DIPK1A: variants seen among roughly 807,000 people sequenced by gnomAD.
DIPK1A encodes the protein family with sequence similarity 69 member A.
DIPK1A carries 27 observed loss-of-function variants against 40.8 expected under a neutral mutation model. The observed-to-expected ratio is 0.66, with a 90% CI of 0.49 to 0.91. The LOEUF (loss-of-function observed/expected upper bound fraction) is 0.91, where lower values mean the gene tolerates loss of function less well. DIPK1A is among the 40% of genes least tolerant of loss of function. DIPK1A has a pLI of 0.00. For synonymous variants in DIPK1A, 166 were observed against 171.3 expected (o/e 0.97, Z 0.24); for missense variants, 412 against 505.7 (o/e 0.81, Z 1.78).
intron 1 of DIPK1A, among the ~76,000 whole-genome samples, chr1:92,958,468 T>C (rs1651931410): frequency 6.6e-6 from 1 of 152,180 alleles, no homozygotes; most frequent in African/African-American, 2.4e-5. Context: ...CTCTGCAACC[T>C]TTCTCTCCTC....
At chr1:92,861,977 G>A (rs1016624512) in intron 2 of DIPK1A, among the ~76,000 whole-genome samples, 8 of 152,044 alleles carry the variant, frequency 5.3e-5, no homozygotes, top group African/African-American at 1.7e-4. Flanking sequence ...ACGAGGTTTC[G>A]CCATATTGCT....
intron 2 of DIPK1A, among the ~76,000 whole-genome samples, chr1:92,873,984 C>T (rs1330751937): frequency 6.6e-6 from 1 of 152,138 alleles, no homozygotes; most frequent in African/African-American, 2.4e-5. Flanking sequence ...TTTAGTACTA[C>T]TACTTATGAT....
rs1030400782 is a variant in DIPK1A, at chr1:92,843,144, A to T, written c.*239T>A. The T allele has an allele frequency of 1.6e-6, 2 of 1,215,018 alleles. No homozygotes were observed. Among genetic ancestry groups the T allele is most frequent in the African/African-American group, 3.1e-5 (2 of 63,688 alleles). The allele number at this position is 1,215,018 out of a possible 1,614,324, so 75.3% of individuals were successfully genotyped here. A position where few individuals can be genotyped will look rare whatever the true frequency, so the allele number is the denominator to read the frequency against. On this transcript the variant is annotated 3_prime_UTR_variant, in exon 5 of 5. Coordinates refer to ENST00000370310, the MANE Select transcript of DIPK1A (RefSeq NM_001006605.5). ...GTTTTTAAAGTCAGTCAAAATAGTT[A>T]CACAATGAATGTACTTCGGAGATGT...
At chr1:92,921,070 T>C (rs774697798) in intron 1 of DIPK1A, among the ~76,000 whole-genome samples, 3 of 152,006 alleles carry the variant, frequency 2.0e-5, no homozygotes, top group Admixed American at 6.6e-5. Flanking sequence ...CCTGGACTAG[T>C]TGGGGAAGGG....
intron 3 of DIPK1A, among the ~76,000 whole-genome samples, chr1:92,850,157 A>C (rs968773639): frequency 1.5e-4 from 22 of 151,416 alleles, no homozygotes; most frequent in African/African-American, 5.1e-4. Context: ...TTTTGGAGAG[A>C]CAGGGTCTCA....
At chr1:92,905,576 C>T (rs1302775495) in intron 1 of DIPK1A, among the ~76,000 whole-genome samples, 1 of 152,062 alleles carries the variant, frequency 6.6e-6, no homozygotes, top group Non-Finnish European at 1.5e-5. Flanking sequence ...TGTGGGTTGT[C>T]TCTTCACTTG....
At chr1:92,863,550 T>C (rs1202130565) in intron 2 of DIPK1A, among the ~76,000 whole-genome samples, 6 of 61,956 alleles carry the variant, frequency 9.7e-5, no homozygotes, top group African/African-American at 2.6e-4. Context: ...CTGGGCAACA[T>C]AGAAAGACCC....
chr1:92,876,347 C>T lies in DIPK1A; in HGVS notation c.138G>A (p.Gln46=). Reference sequence around the variant, plus strand: ...TGCATAATTCTGTATAGGTAGAATACTGCACATATATAATCCAGCTTCCAA... The same window carrying T: ...TGCATAATTCTGTATAGGTAGAATATTGCACATATATAATCCAGCTTCCAA... The part of the protein sequence containing the change: ...VFVGSWIIYV[Q]YSTYTELCRG... Residue 46 remains glutamine (Q), a synonymous_variant, in exon 2 of 5, where the codon CAG becomes CAA. Transcript: ENST00000370310. The T allele has an allele frequency of 6.2e-7, 1 of 1,602,996 alleles. No individual in the cohort carries two copies. The highest frequency in any genetic ancestry group is 8.5e-7 in the Non-Finnish European group (1 of 1,170,410).
At chr1:92,849,806 C>A (rs1267367550) in intron 3 of DIPK1A, among the ~76,000 whole-genome samples, 1 of 152,058 alleles carries the variant, frequency 6.6e-6, no homozygotes, top group Non-Finnish European at 1.5e-5. Context: ...TGCCACTGTG[C>A]CTGGCCACCC....
chr1:92,926,120 T>C (rs1005576996), intron 1 of DIPK1A, among the ~76,000 whole-genome samples: 11 of 152,222 alleles, frequency 7.2e-5, no homozygotes, highest in Non-Finnish European at 2.9e-5. Flanking sequence ...TTAATTTGCT[T>C]ATTTTTTTCC....
intron 2 of DIPK1A, among the ~76,000 whole-genome samples, chr1:92,859,600 G>A (rs753645926): frequency 2.0e-5 from 3 of 152,314 alleles, no homozygotes; most frequent in Admixed American, 2.0e-4. Flanking sequence ...GCCAATGCTC[G>A]AGGCAGCTAC....
At chr1:92,887,214 T>G (rs1474498654) in intron 1 of DIPK1A, among the ~76,000 whole-genome samples, 1 of 145,946 alleles carries the variant, frequency 6.9e-6, no homozygotes, top group Admixed American at 7.0e-5. Flanking sequence ...CCCAGGAGTT[T>G]GAGACCAACT....
intron 2 of DIPK1A, among the ~76,000 whole-genome samples, chr1:92,867,955 T>C (rs1647638591): frequency 6.6e-6 from 1 of 152,136 alleles, no homozygotes; most frequent in Non-Finnish European, 1.5e-5. Context: ...CAATGACAAG[T>C]AATGGGGTAC....
chr1:92,925,256 TA>T lies in DIPK1A; in HGVS notation c.54+36119del, dbSNP rs1188903793. Among the ~76,000 whole-genome samples the T allele has an allele frequency of 2.6e-5, 4 of 152,360 alleles. No individual in the cohort carries two copies. The East Asian group carries it at 7.7e-4, about 29-fold the overall frequency. ...TTCATAAGAGATTTTTAACTTTTCA[TA>T]ATGTCTTTACTAGATTTTAGTATCT... On this transcript the variant is annotated intron_variant, in intron 1 of 4. Coordinates refer to ENST00000370310, the MANE Select transcript of DIPK1A (RefSeq NM_001006605.5).
chr1:92,949,497 G>A (rs913482776), intron 1 of DIPK1A, among the ~76,000 whole-genome samples: 2 of 151,944 alleles, frequency 1.3e-5, no homozygotes, highest in Non-Finnish European at 2.9e-5. Context: ...GGTTGGTCTC[G>A]AACTTCTGAC....
At chr1:92,885,956 T>A (rs1648579581) in intron 1 of DIPK1A, among the ~76,000 whole-genome samples, 1 of 152,206 alleles carries the variant, frequency 6.6e-6, no homozygotes, top group South Asian at 2.1e-4. Context: ...TGGGGTCATA[T>A]GATACATATT....
intron 1 of DIPK1A, among the ~76,000 whole-genome samples, chr1:92,948,509 C>A (rs904121717): frequency 6.7e-6 from 1 of 150,368 alleles, no homozygotes; most frequent in Non-Finnish European, 1.5e-5. Context: ...GTCTCGAACT[C>A]TTGAGCTCAA....
Position 92,843,092 on chromosome 1 carries a change from T to C in DIPK1A, c.*291A>G, listed in dbSNP as rs1248648793. On this transcript the variant is annotated 3_prime_UTR_variant, in exon 5 of 5. Coordinates refer to ENST00000370310, the MANE Select transcript of DIPK1A (RefSeq NM_001006605.5). ...CTACAAATCACTCACTGTTGATGTT[T>C]ATGGAATGAAGCTTTTCACAGCATT... The C allele has an allele frequency of 3.7e-6, 4 of 1,079,194 alleles. No individual in the cohort carries two copies. Among genetic ancestry groups the C allele is most frequent in the African/African-American group, 3.3e-5 (2 of 59,858 alleles). 66.9% of individuals were successfully genotyped at this position (1,079,194 alleles called of 1,614,324 possible).
intron 4 of DIPK1A, among the ~76,000 whole-genome samples, chr1:92,845,299 T>C: frequency 6.8e-6 from 1 of 146,974 alleles, no homozygotes. Flanking sequence ...ACCGTTTTTT[T>C]TTTTTTTTTT....
Sources: allele counts gnomAD v4.1 joint callset (sites outside exome capture counted in the v4.1 genomes callset), GRCh38; gene constraint gnomAD v4.1.1; transcripts MANE v1.5; gene names NCBI Gene and HGNC (gene_info 2026-07-23, HGNC 2026-07-21).